DMXL2: variants seen among roughly 807,000 people sequenced by gnomAD.
The protein encoded by DMXL2 is dmX-like protein 2.
Under a neutral mutation model 331.1 loss-of-function variants are expected in DMXL2, and 103 were observed. The observed-to-expected ratio is 0.31, with a 90% CI of 0.27 to 0.37. The LOEUF is 0.37. Among genes scored for constraint, DMXL2 ranks in the 10% least tolerant of loss-of-function variants. DMXL2 has a pLI of 1.00. For missense variants in DMXL2, 3,171 were observed against 3,642.9 expected, an observed-to-expected ratio of 0.87 and a Z score of 3.33; for synonymous variants, 1,281 against 1,252.1, an observed-to-expected ratio of 1.02 and a Z score of -0.49.
chr15:51,617,153 G>A (rs2054336876), intron 1 of DMXL2, among the ~76,000 whole-genome samples: 1 of 152,048 alleles, frequency 6.6e-6, no homozygotes, highest in Non-Finnish European at 1.5e-5. Flanking sequence ...ACTCTGATTT[G>A]TTCTAAAAAT....
intron 1 of DMXL2, among the ~76,000 whole-genome samples, chr15:51,598,466 G>A (rs12908028): frequency 6.6e-6 from 1 of 152,024 alleles, no homozygotes; most frequent in Non-Finnish European, 1.5e-5. Flanking sequence ...TATCTATAGA[G>A]CTTAGATTTC....
intron 1 of DMXL2, among the ~76,000 whole-genome samples, chr15:51,590,185 G>C (rs756634205): frequency 1.1e-4 from 16 of 152,154 alleles, no homozygotes; most frequent in Non-Finnish European, 2.1e-4. Flanking sequence ...GCTATGATGT[G>C]GTCTGGCTTA....
rs1458604334 is a variant in DMXL2, at chr15:51,547,500, T to A, written c.568-92A>T. 6 of 832,986 alleles carry A rather than the reference T, an allele frequency of 7.2e-6. No individual in the cohort carries two copies. The East Asian group carries it at 1.5e-4, about 20-fold the overall frequency. 51.6% of individuals were successfully genotyped at this position (832,986 alleles called of 1,614,324 possible). On this transcript the variant is annotated intron_variant, in intron 6 of 43. Coordinates refer to ENST00000560891, the MANE Select transcript of DMXL2 (RefSeq NM_001378457.1). ...AAGAAGTTTTAAAAATTAAGTTACA[T>A]CTAAAAACTAATATGTGACTTATAC...
chr15:51,470,299 G>A (rs1314026407), intron 29 of DMXL2, among the ~76,000 whole-genome samples: 1 of 151,948 alleles, frequency 6.6e-6, no homozygotes, highest in East Asian at 1.9e-4. Flanking sequence ...CTGCACCTAC[G>A]TTTTAAAATT....
At chr15:51,596,665 C>T (rs1282550257) in intron 1 of DMXL2, among the ~76,000 whole-genome samples, 2 of 152,294 alleles carry the variant, frequency 1.3e-5, no homozygotes, top group Middle Eastern at 3.4e-3. Flanking sequence ...AGACTTGGAA[C>T]CAACCCAAAT....
rs28709867 is a variant in DMXL2, at chr15:51,480,796, T to G, written c.6310A>C (p.Lys2104Gln). The G allele has an allele frequency of 1.9e-6, 3 of 1,607,868 alleles. No individual in the cohort carries two copies. Among genetic ancestry groups the G allele is most frequent in the African/African-American group, 2.7e-5 (2 of 74,730 alleles). ...IKEYSSKTYSKVESDLLDQEE... is the reference protein window; with the variant it reads ...IKEYSSKTYSQVESDLLDQEE... ...TGATCCAGCAGATCACTCTCTACTT[T>G]GGAATATGTCTTACTGGAATACTCT... Residue 2104 changes from lysine to glutamine, a missense_variant, in exon 24 of 44, where the codon AAA (lysine) becomes CAA (glutamine). By Grantham distance (53) the Lys-to-Gln change is moderately conservative (BLOSUM62 1). Transcript: ENST00000560891.
Position 51,474,604 on chromosome 15 carries a change from T to A in DMXL2, c.6965-12A>T, listed in dbSNP as rs532598658. On this transcript the variant is annotated splice_polypyrimidine_tract_variant and intron_variant, in intron 27 of 43. Transcript: ENST00000560891. ...AAGTGAGCTCACACCTATAAGGGTA[T>A]ATAAAATCATAAGACGTATGTCAGG... 6.3e-7 allele frequency: 1 copy of A among 1,582,278 alleles called. No individual in the cohort carries two copies. The highest frequency in any genetic ancestry group is 8.6e-7 in the Non-Finnish European group (1 of 1,161,890).
At chr15:51,464,541 A>C (rs1389940933) in intron 32 of DMXL2, 134 bp downstream of exon 32, 1 of 635,264 alleles carries the variant, frequency 1.6e-6, no homozygotes, top group East Asian at 2.8e-5. Context: ...TATTTTTCTT[A>C]AGCGTATTCT....
intron 6 of DMXL2, among the ~76,000 whole-genome samples, chr15:51,562,249 G>C (rs1466143817): frequency 6.6e-6 from 1 of 151,938 alleles, no homozygotes; most frequent in Non-Finnish European, 1.5e-5. Context: ...CAATTAAAAA[G>C]TTTATTGAGA....
At chr15:51,565,935 AT>A (rs2050240775) in intron 3 of DMXL2, among the ~76,000 whole-genome samples, 1 of 152,166 alleles carries the variant, frequency 6.6e-6, no homozygotes, top group African/African-American at 2.4e-5. Context: ...TCAAGGCAGA[AT>A]TTTAAAACAT....
chr15:51,561,682 T>C (rs2049983148), intron 6 of DMXL2, among the ~76,000 whole-genome samples: 1 of 152,184 alleles, frequency 6.6e-6, no homozygotes, highest in Non-Finnish European at 1.5e-5. Flanking sequence ...CACTAATGGG[T>C]ATTTATCCAA....
chr15:51,578,124 T>A (rs2051167303), intron 1 of DMXL2, among the ~76,000 whole-genome samples: 1 of 152,186 alleles, frequency 6.6e-6, no homozygotes, highest in African/African-American at 2.4e-5. Flanking sequence ...AAGTGTTGGA[T>A]CACTCTCTCT....
intron 2 of DMXL2, among the ~76,000 whole-genome samples, chr15:51,575,376 TAC>T (rs991729304): frequency 1.2e-4 from 19 of 152,272 alleles, no homozygotes; most frequent in African/African-American, 4.6e-4. Flanking sequence ...AAAACCTTAT[TAC>T]TCTATTCTCG....
chr15:51,555,957 C>CATA (rs2049537094), intron 6 of DMXL2, among the ~76,000 whole-genome samples: 1 of 152,162 alleles, frequency 6.6e-6, no homozygotes, highest in African/African-American at 2.4e-5. Flanking sequence ...ATAAGGCCAG[C>CATA]ATAACATCAA....
In DMXL2 at chr15:51,456,130, A is replaced by C; in HGVS notation, c.8462T>G (p.Val2821Gly). Residue 2821 changes from valine (V) to glycine (G), a missense_variant, in exon 39 of 44, where the codon GTC (valine) becomes GGC (glycine). Physicochemically the swap from Val to Gly is moderately radical, Grantham distance 109. Transcript: ENST00000560891. ...MFEWTRPQQL[V>G]CFRQAGNARV... ...TGCATTGCCAGCTTGACGAAAGCAG[A>C]CAAGTTGCTGAGGCCGCGTCCATTC... 1 of 1,614,234 alleles carries C rather than the reference A, an allele frequency of 6.2e-7. No homozygotes were observed. Among genetic ancestry groups the C allele is most frequent in the Non-Finnish European group, 8.5e-7 (1 of 1,180,036 alleles).
Position 51,474,400 on chromosome 15 carries a change from A to G in DMXL2, c.7157T>C (p.Phe2386Ser), listed in dbSNP as rs1338824050. 1.2e-6 allele frequency: 2 copies of G among 1,613,900 alleles called. No homozygotes were observed. Among genetic ancestry groups the G allele is most frequent in the Non-Finnish European group, 1.7e-6 (2 of 1,179,786 alleles). ...PLNNRMWAAV[F>S]GGGVKLVVKP... Reference sequence around the variant, plus strand: ...CACAACAAGTTTTACACCGCCTCCAAAAACAGCAGCCCACATTCGATTATT... The same window carrying G: ...CACAACAAGTTTTACACCGCCTCCAGAAACAGCAGCCCACATTCGATTATT... Residue 2386 changes from phenylalanine (F) to serine (S), a missense_variant, in exon 28 of 44, where the codon TTT becomes TCT. Phe to Ser is a radical substitution (Grantham distance 155). Coordinates refer to ENST00000560891, the MANE Select transcript of DMXL2 (RefSeq NM_001378457.1).
At chr15:51,535,310 C>T (rs991536374) in intron 13 of DMXL2, among the ~76,000 whole-genome samples, 1 of 152,190 alleles carries the variant, frequency 6.6e-6, no homozygotes, top group East Asian at 1.9e-4. Context: ...AATTTTCCAA[C>T]CTAAACATAC....
intron 36 of DMXL2, 87 bp from the exon 37 acceptor site, chr15:51,457,553 G>A: frequency 6.9e-7 from 1 of 1,446,630 alleles, no homozygotes; most frequent in East Asian, 2.3e-5. Context: ...GTACCCATAG[G>A]ACAATCTTTA....
At chr15:51,537,794 T>C in intron 10 of DMXL2, 35 bp from the exon 11 acceptor site, 2 of 1,581,428 alleles carry the variant, frequency 1.3e-6, no homozygotes, top group Non-Finnish European at 1.7e-6. Context: ...ATACAAGCAT[T>C]AAATAATTCA....
Sources: allele counts gnomAD v4.1 joint callset (sites outside exome capture counted in the v4.1 genomes callset), GRCh38; gene constraint gnomAD v4.1.1; transcripts MANE v1.5; gene names NCBI Gene and HGNC (gene_info 2026-07-23, HGNC 2026-07-21).